The following UROS variants were observed in gnomAD, a reference collection of about 807,000 sequenced individuals.
The protein encoded by UROS is uroporphyrinogen III synthase.
In UROS, 18 loss-of-function variants were observed where a neutral mutation model predicts 33.0. The ratio of observed to expected loss-of-function variants is 0.55; its 90% CI spans 0.38 to 0.81. UROS has a LOEUF of 0.81. Ranked by LOEUF, UROS falls within the 30% of genes least tolerant of loss-of-function variation. The probability of loss-of-function intolerance (pLI) is 0.00; values close to 1 mark genes in which losing one functional copy is unlikely to be tolerated. For missense variants in UROS, 293 were observed against 314.9 expected (o/e 0.93, Z 0.53); for synonymous variants, 114 against 121.1 (o/e 0.94, Z 0.38).
rs1381508597 is a variant in UROS, at chr10:125,788,725, T to G, written c.*143A>C. 6.9e-7 allele frequency: 1 copy of G among 1,440,274 alleles called. No individual in the cohort carries two copies. The highest frequency in any genetic ancestry group is 2.5e-5 in the East Asian group (1 of 40,080). 89.2% of individuals were successfully genotyped at this position (1,440,274 alleles called of 1,614,324 possible). A position where few individuals can be genotyped will look rare whatever the true frequency, so the allele number is the denominator to read the frequency against. ...AGGCCAGCCCCAGGTCAGGTCCCGA[T>G]CCCCGGTCCTCAGGTGCTTCCACTC... is the stretch of plus-strand genomic sequence containing the variant. On this transcript the variant is annotated 3_prime_UTR_variant, in exon 10 of 10. Transcript: ENST00000368797.
intron 1 of UROS, among the ~76,000 whole-genome samples, chr10:125,822,650 G>C (rs761531738): frequency 4.0e-5 from 6 of 151,762 alleles, no homozygotes; most frequent in Non-Finnish European, 7.4e-5. Flanking sequence ...CAGAGATGAG[G>C]TTTTGCCATG....
intron 6 of UROS, chr10:125,802,856 C>T: frequency 1.3e-6 from 2 of 1,524,462 alleles, no homozygotes; most frequent in South Asian, 1.3e-5. Flanking sequence ...GAGGTCCCAG[C>T]AGCCCCTTTC....
downstream of UROS, among the ~76,000 whole-genome samples, chr10:125,787,771 C>A (rs541203871): frequency 6.6e-6 from 1 of 152,254 alleles, no homozygotes; most frequent in South Asian, 2.1e-4. Flanking sequence ...GAACAGTTCT[C>A]AAAGAATTTC....
intron 5 of UROS, 63 bp from the exon 6 acceptor site, chr10:125,807,550 T>A: frequency 1.5e-6 from 2 of 1,371,406 alleles, no homozygotes; most frequent in Admixed American, 1.7e-5. Flanking sequence ...GTTCCAGCGT[T>A]ATTTTTTAAC....
chr10:125,798,079 G>A lies in UROS; in HGVS notation c.461C>T (p.Ala154Val), dbSNP rs145856015. 6 of 1,614,028 alleles carry A rather than the reference G, an allele frequency of 3.7e-6. No individual in the cohort carries two copies. Among genetic ancestry groups the A allele is most frequent in the South Asian group, 2.2e-5 (2 of 91,082 alleles). ...ATTCTACTCGCCTTTGTCCTTGAGC[G>A]CTTTTGGCAGGATTTCTCTTTTGAG... ...GNLKREILPK[A>V]LKDKGIAMES... Residue 154 changes from alanine (A) to valine (V), a missense_variant, in exon 7 of 10, where the codon GCG becomes GTG. Transcript: ENST00000368797.
Position 125,788,873 on chromosome 10 carries a change from A to G in UROS, c.793T>C (p.Cys265Arg). ...IRKALQPHGC[C>R] The stretch of plus-strand genomic sequence containing the variant: ...GCCAGCGCTAGGTGGCTGACTCAGC[A>G]GCAGCCATGGGGCTGGAGAGCCTTC... Residue 265 changes from cysteine to arginine, a missense_variant, in exon 10 of 10, where the codon TGC becomes CGC. By Grantham distance (180) the Cys-to-Arg change is radical (BLOSUM62 -3). Transcript: ENST00000368797. 6.3e-7 allele frequency: 1 copy of G among 1,588,532 alleles called. No individual in the cohort carries two copies.
intron 3 of UROS, among the ~76,000 whole-genome samples, chr10:125,815,432 G>A (rs1218126972): frequency 7.9e-5 from 12 of 152,150 alleles, no homozygotes; most frequent in South Asian, 2.1e-4. Flanking sequence ...GAAGCCTGAC[G>A]CAGCCTGGGA....
At chr10:125,820,395 G>C (rs1025170716) in intron 1 of UROS, among the ~76,000 whole-genome samples, 1 of 152,140 alleles carries the variant, frequency 6.6e-6, no homozygotes, top group African/African-American at 2.4e-5. Flanking sequence ...GGAGGAGACA[G>C]GACACATTCT....
At chr10:125,819,211 T>C (rs1006850432) in intron 1 of UROS, among the ~76,000 whole-genome samples, 2 of 152,214 alleles carry the variant, frequency 1.3e-5, no homozygotes, top group Non-Finnish European at 2.9e-5. Flanking sequence ...CTCCATCTCT[T>C]AACCTCGTGA....
intron 9 of UROS, 171 bp from the exon 10 acceptor site, chr10:125,789,176 G>A (rs878980104): frequency 6.9e-5 from 98 of 1,411,998 alleles, no homozygotes; most frequent in South Asian, 2.0e-4. Context: ...GCTTCTGAGC[G>A]TGCAAAATAC....
At chr10:125,786,156 C>T (rs1303524725), downstream of UROS, among the ~76,000 whole-genome samples, 4 of 152,128 alleles carry the variant, frequency 2.6e-5, no homozygotes, top group East Asian at 3.9e-4. Context: ...AGAACATCTA[C>T]GAACTCAAAG....
Position 125,796,339 on chromosome 10 carries a change from G to C in UROS, c.476-151C>G, listed in dbSNP as rs897417337. 8 of 813,440 alleles carry C rather than the reference G, an allele frequency of 9.8e-6. No homozygotes were observed. The African/African-American group carries it at 1.3e-4, about 14-fold the overall frequency. The allele number at this position is 813,440 out of a possible 1,614,324, so 50.4% of individuals were successfully genotyped here. ...AAGCTGAGAGGCCAGACTCAGCAGA[G>C]AGGCCTTGAACAGTCCTCTGCAGCC... On this transcript the variant is annotated intron_variant, in intron 7 of 9. Coordinates refer to ENST00000368797, the MANE Select transcript of UROS (RefSeq NM_000375.3).
rs186301200 is a variant in UROS at position 125,823,127 on chromosome 10, A to C, written c.-125T>G. 2.0e-4 allele frequency: 31 copies of C among 158,614 alleles called. No homozygotes were observed. Among genetic ancestry groups the C allele is most frequent in the East Asian group, 9.3e-4 (5 of 5,384 alleles). The allele number at this position is 158,614 out of a possible 1,614,324, so 9.8% of individuals were successfully genotyped here. A position where few individuals can be genotyped will look rare whatever the true frequency, so the allele number is the denominator to read the frequency against. ...CAGCGAAAAGGCTGCAGGAGCAATGACAACAGGGGCGGAAGCCCCCTCCCC... is the reference window on the plus strand; with the variant it reads ...CAGCGAAAAGGCTGCAGGAGCAATGCCAACAGGGGCGGAAGCCCCCTCCCC... On this transcript the variant is annotated 5_prime_UTR_variant, in exon 1 of 10. Transcript: ENST00000368797.
At chr10:125,798,590 C>T (rs1851557380) in intron 6 of UROS, among the ~76,000 whole-genome samples, 1 of 152,218 alleles carries the variant, frequency 6.6e-6, no homozygotes, top group Admixed American at 6.5e-5. Flanking sequence ...GCTCAGGAGG[C>T]AGCCGGTAAC....
At chr10:125,810,357 A>G (rs1852697959) in intron 5 of UROS, among the ~76,000 whole-genome samples, 1 of 152,204 alleles carries the variant, frequency 6.6e-6, no homozygotes, top group South Asian at 2.1e-4. Context: ...TGTCTTAGGT[A>G]GCCCTCTCGG....
At chr10:125,812,654 A>G (rs1416345853) in intron 4 of UROS, among the ~76,000 whole-genome samples, 2 of 152,158 alleles carry the variant, frequency 1.3e-5, no homozygotes, top group African/African-American at 4.8e-5. Context: ...TGGTCATTTA[A>G]AAAAAGCAAC....
At chr10:125,803,715 G>T (rs1024751607) in intron 6 of UROS, among the ~76,000 whole-genome samples, 2 of 152,184 alleles carry the variant, frequency 1.3e-5, no homozygotes, top group African/African-American at 4.8e-5. Flanking sequence ...AAGGCCCCGT[G>T]CCTCAGGGCT....
chr10:125,785,435 T>G (rs1252896625), downstream of UROS: 1 of 152,266 alleles, frequency 6.6e-6, no homozygotes, highest in Non-Finnish European at 1.5e-5. Context: ...TCCAGAGTAA[T>G]GAATATTGAG....
In UROS at chr10:125,794,746, G is replaced by A. The variant is rs958271260; in HGVS notation, c.660+134C>T. 3.1e-5 allele frequency: 25 copies of A among 801,962 alleles called. No homozygotes were observed. In the East Asian group the frequency reaches 6.0e-4, roughly 19 times the overall value. The allele number at this position is 801,962 out of a possible 1,614,324, so 49.7% of individuals were successfully genotyped here. Reference sequence around the variant, plus strand: ...GTGCAACAGCCCAGCAGGAGGTAGAGCTGCCCTTCCAATTCTAAGGCACCT... The same window carrying A: ...GTGCAACAGCCCAGCAGGAGGTAGAACTGCCCTTCCAATTCTAAGGCACCT... On this transcript the variant is annotated intron_variant, in intron 9 of 9. Coordinates refer to ENST00000368797, the MANE Select transcript of UROS (RefSeq NM_000375.3).
Sources: gnomAD v4.1 joint callset for allele counts (sites outside exome capture counted in the v4.1 genomes callset) on GRCh38, gnomAD v4.1.1 for gene constraint, MANE v1.5 for transcripts, NCBI Gene and HGNC (gene_info 2026-07-23, HGNC 2026-07-21) for gene names.